SH3YL1: variants seen among roughly 807,000 people sequenced by gnomAD.
SH3YL1 encodes SH3 and SYLF domain containing 1, also known as SH3 domain-containing YSC84-like protein 1.
A neutral mutation model predicts 45.8 loss-of-function variants in SH3YL1; 41 were observed. The ratio of observed to expected loss-of-function variants is 0.89; its 90% CI spans 0.70 to 1.16. The LOEUF is 1.16. Among genes scored for constraint, SH3YL1 ranks in the 50% most tolerant of loss-of-function variants. The probability of loss-of-function intolerance (pLI) is 0.00; values close to 1 mark genes in which losing one functional copy is unlikely to be tolerated. For synonymous variants in SH3YL1, 152 were observed against 151.4 expected (o/e 1.00, Z -0.03); for missense variants, 389 against 409.6 (o/e 0.95, Z 0.43).
intron 4 of SH3YL1, among the ~76,000 whole-genome samples, chr2:235,240 G>C (rs192030841): frequency 1.4e-4 from 22 of 152,380 alleles, no homozygotes; most frequent in Non-Finnish European, 3.2e-4. Context: ...CTCAAGGCAG[G>C]TCAACACAGT....
chr2:262,420 C>G (rs1669621290), intron 1 of SH3YL1: 1 of 365,544 alleles, frequency 2.7e-6, no homozygotes. Context: ...TTCTCTGCTC[C>G]CTCGGGAGAC....
intron 4 of SH3YL1, 134 bp downstream of exon 4, chr2:247,404 A>T: frequency 3.3e-6 from 2 of 613,010 alleles, no homozygotes; most frequent in Non-Finnish European, 5.6e-6. Context: ...TCATCGAGAA[A>T]ATAAAGGAAA....
intron 2 of SH3YL1, among the ~76,000 whole-genome samples, chr2:251,813 T>C (rs1669084616): frequency 6.6e-6 from 1 of 152,334 alleles, no homozygotes; most frequent in South Asian, 2.1e-4. Flanking sequence ...ATTAATATCA[T>C]GATTAAGATT....
intron 8 of SH3YL1, 154 bp downstream of exon 8, chr2:229,812 T>C (rs1222423935): frequency 6.1e-6 from 3 of 492,534 alleles, no homozygotes; most frequent in Non-Finnish European, 7.4e-6. Context: ...ATTTGTCTCA[T>C]GTATTTAGAA....
intron 8 of SH3YL1, among the ~76,000 whole-genome samples, chr2:225,708 A>G (rs548653141): frequency 6.6e-6 from 1 of 152,342 alleles, no homozygotes; most frequent in Non-Finnish European, 1.5e-5. Flanking sequence ...ATATAAGACA[A>G]ACAAAATATA....
At chr2:228,102 G>C (rs944108292) in intron 8 of SH3YL1, among the ~76,000 whole-genome samples, 13 of 152,176 alleles carry the variant, frequency 8.5e-5, no homozygotes, top group African/African-American at 2.7e-4. Context: ...AACTGTAGTG[G>C]CCTAGCCACA....
chr2:252,024 C>T (rs1201624796), intron 2 of SH3YL1, among the ~76,000 whole-genome samples: 1 of 152,290 alleles, frequency 6.6e-6, no homozygotes, highest in East Asian at 1.9e-4. Flanking sequence ...TTGGAAATAA[C>T]TAGAAGTGGT....
chr2:247,047 C>T (rs1173001283), intron 4 of SH3YL1, among the ~76,000 whole-genome samples: 2 of 152,120 alleles, frequency 1.3e-5, no homozygotes, highest in African/African-American at 4.8e-5. Flanking sequence ...CATGTCTGCC[C>T]GACAGACGCC....
chr2:226,049 C>T (rs1331584708), intron 8 of SH3YL1, among the ~76,000 whole-genome samples: 1 of 151,940 alleles, frequency 6.6e-6, no homozygotes, highest in African/African-American at 2.4e-5. Flanking sequence ...GGAAAATGAG[C>T]TCAAATTATG....
At chr2:222,163 A>T (rs987346712) in intron 9 of SH3YL1, among the ~76,000 whole-genome samples, 1 of 151,352 alleles carries the variant, frequency 6.6e-6, no homozygotes, top group Admixed American at 6.6e-5. Flanking sequence ...CTTTGAGGGA[A>T]TTGGCCATTT....
At chr2:264,037 G>A, upstream of SH3YL1, 1 of 1,381,412 alleles carries the variant, frequency 7.2e-7, no homozygotes, top group Non-Finnish European at 9.4e-7. Flanking sequence ...GAAGAGGAAG[G>A]CGCGCTGCCC....
At position 263,971 on chromosome 2, in the gene SH3YL1, C is replaced by A; in HGVS notation, c.1+13G>T. ...GAGGGTGCTGCCGGACAGGTGGGTC[C>A]CCGGGTACTCACTGCTGCCCGCCCG... On this transcript the variant is annotated intron_variant, in intron 1 of 9. Transcript: ENST00000356150. 6.7e-7 allele frequency: 1 copy of A among 1,498,080 alleles called. No homozygotes were observed. The highest frequency in any genetic ancestry group is 1.3e-5 in the South Asian group (1 of 79,406). 92.8% of individuals were successfully genotyped at this position (1,498,080 alleles called of 1,614,324 possible).
chr2:239,247 C>T (rs764426231), intron 4 of SH3YL1, among the ~76,000 whole-genome samples: 2 of 152,166 alleles, frequency 1.3e-5, no homozygotes, highest in African/African-American at 2.4e-5. Flanking sequence ...GAATTAAGCA[C>T]GAATGTCCTA....
At chr2:221,448 AG>A (rs1357358395) in intron 9 of SH3YL1, among the ~76,000 whole-genome samples, 1 of 152,198 alleles carries the variant, frequency 6.6e-6, no homozygotes, top group African/African-American at 2.4e-5. Flanking sequence ...AAGAGAAAGA[AG>A]GCGAGATCAC....
intron 4 of SH3YL1, among the ~76,000 whole-genome samples, chr2:245,657 C>T (rs1668764879): frequency 6.6e-6 from 1 of 152,132 alleles, no homozygotes; most frequent in Non-Finnish European, 1.5e-5. Flanking sequence ...CTGACCCAGT[C>T]TTCTCTCTTA....
intron 3 of SH3YL1, among the ~76,000 whole-genome samples, 163 bp downstream of exon 3, chr2:249,568 G>C (rs971469983): frequency 6.6e-6 from 1 of 151,968 alleles, no homozygotes; most frequent in Admixed American, 6.5e-5. Flanking sequence ...CCTGTGGCTT[G>C]TTCACTGACA....
At position 242,935 on chromosome 2, in the gene SH3YL1, G is replaced by A; in HGVS notation, c.291+4603C>T. On this transcript the variant is annotated intron_variant, in intron 4 of 9. Coordinates refer to ENST00000356150, the MANE Select transcript of SH3YL1 (RefSeq NM_015677.4). ...CAGGGACATATTATAATGATAAAAT[G>A]GTCAATCAACCAAAGAGATATAACA... The A allele has an allele frequency of 3.9e-6, 4 of 1,030,594 alleles. No homozygotes were observed. The East Asian group carries it at 9.3e-5, about 24-fold the overall frequency. 63.8% of individuals were successfully genotyped at this position (1,030,594 alleles called of 1,614,324 possible).
intron 1 of SH3YL1, among the ~76,000 whole-genome samples, chr2:258,768 G>A (rs545196808): frequency 3.8e-4 from 58 of 152,130 alleles, no homozygotes; most frequent in Non-Finnish European, 7.2e-4. Flanking sequence ...TGGCTGTTTC[G>A]AATGGCTGTC....
intron 4 of SH3YL1, among the ~76,000 whole-genome samples, chr2:247,047 C>G (rs1173001283): frequency 6.6e-6 from 1 of 152,120 alleles, no homozygotes; most frequent in Non-Finnish European, 1.5e-5. Context: ...CATGTCTGCC[C>G]GACAGACGCC....
Sources: allele counts gnomAD v4.1 joint callset (sites outside exome capture counted in the v4.1 genomes callset), GRCh38; gene constraint gnomAD v4.1.1; transcripts MANE v1.5; gene names NCBI Gene and HGNC (gene_info 2026-07-23, HGNC 2026-07-21).